The following AMZ2 variants were observed in gnomAD, a reference collection of about 807,000 sequenced individuals.
AMZ2 encodes the protein archaelysin family metallopeptidase 2.
Under a neutral mutation model 36.7 loss-of-function variants are expected in AMZ2, and 26 were observed. The observed-to-expected ratio is 0.71, with a 90% CI of 0.52 to 0.98. The LOEUF (loss-of-function observed/expected upper bound fraction) is 0.98. AMZ2 is among the 50% of genes least tolerant of loss of function. The pLI is 0.00. For missense variants in AMZ2, 394 were observed against 430.5 expected, an observed-to-expected ratio of 0.92 and a Z score of 0.75; for synonymous variants, 144 against 149.1, an observed-to-expected ratio of 0.97 and a Z score of 0.25.
At chr17:68,227,615 T>G (rs1350732175) in intron 1 of AMZ2, among the ~76,000 whole-genome samples, 1 of 152,178 alleles carries the variant, frequency 6.6e-6, no homozygotes, top group East Asian at 1.9e-4. Flanking sequence ...CGCTCCAGTC[T>G]TCAAGGTCAG....
At chr17:68,215,055 A>G (rs2144506187) in intron 1 of AMZ2, among the ~76,000 whole-genome samples, 1 of 152,338 alleles carries the variant, frequency 6.6e-6, no homozygotes, top group Non-Finnish European at 1.5e-5. Flanking sequence ...AAGTGCTGGG[A>G]TTATAGGCGT....
chr17:68,236,508 G>C (rs547212260), intron 1 of AMZ2, among the ~76,000 whole-genome samples: 41 of 141,278 alleles, frequency 2.9e-4, no homozygotes, highest in Middle Eastern at 7.8e-3. Context: ...ATATCAAGAA[G>C]AAAGTAAAAC....
At chr17:68,209,630 A>ATTTT (rs1339157573) in intron 1 of AMZ2, among the ~76,000 whole-genome samples, 8 of 98,456 alleles carry the variant, frequency 8.1e-5, no homozygotes, top group African/African-American at 1.4e-4. Flanking sequence ...ATATATATAT[A>ATTTT]TATTTTTTTT....
intron 1 of AMZ2, among the ~76,000 whole-genome samples, chr17:68,231,178 C>T (rs1555731150): frequency 6.6e-6 from 1 of 152,044 alleles, no homozygotes; most frequent in African/African-American, 2.4e-5. Flanking sequence ...ATCCTCCTAC[C>T]TCAGCCTCCC....
chr17:68,252,821 G>A (rs1368955621), intron 4 of AMZ2, among the ~76,000 whole-genome samples: 2 of 152,070 alleles, frequency 1.3e-5, no homozygotes, highest in Non-Finnish European at 2.9e-5. Context: ...ACCACACCCA[G>A]CTAAAAAAAT....
At chr17:68,240,469 T>A (rs1397140844) in intron 1 of AMZ2, among the ~76,000 whole-genome samples, 1 of 151,972 alleles carries the variant, frequency 6.6e-6, no homozygotes, top group Non-Finnish European at 1.5e-5. Context: ...TACAAAAAGA[T>A]GGAAAAATGT....
At chr17:68,254,592 G>T in intron 5 of AMZ2, 25 bp downstream of exon 5, 1 of 1,579,852 alleles carries the variant, frequency 6.3e-7, no homozygotes, top group South Asian at 1.1e-5. Flanking sequence ...AAATCTGACA[G>T]GACAGTTCTT....
intron 1 of AMZ2, 83 bp from the exon 2 acceptor site, chr17:68,250,105 T>A: frequency 2.8e-6 from 4 of 1,421,742 alleles, no homozygotes; most frequent in Non-Finnish European, 3.8e-6. Context: ...TAGGGAGAAA[T>A]CAGAGCTGAA....
At chr17:68,229,981 T>C (rs1250933220) in intron 1 of AMZ2, among the ~76,000 whole-genome samples, 3 of 152,226 alleles carry the variant, frequency 2.0e-5, no homozygotes, top group African/African-American at 7.2e-5. Context: ...GGACTACAAA[T>C]GTGGAATCCA....
chr17:68,220,264 A>G (rs552785492), intron 1 of AMZ2, among the ~76,000 whole-genome samples: 19 of 152,200 alleles, frequency 1.2e-4, no homozygotes, highest in Non-Finnish European at 1.3e-4. Flanking sequence ...TGAAGAAAAA[A>G]CTTAATAAAC....
chr17:68,250,652 C>A, intron 2 of AMZ2, 142 bp from the exon 3 acceptor site: 1 of 1,177,160 alleles, frequency 8.5e-7, no homozygotes, highest in Non-Finnish European at 1.2e-6. Context: ...CTTTTTGTTT[C>A]ATAGCAACAC....
intron 1 of AMZ2, among the ~76,000 whole-genome samples, chr17:68,237,405 A>G (rs2073813262): frequency 6.6e-6 from 1 of 152,032 alleles, no homozygotes; most frequent in Admixed American, 6.6e-5. Context: ...GCAAGTTGGC[A>G]TTTTTACATT....
intron 1 of AMZ2, among the ~76,000 whole-genome samples, chr17:68,220,389 C>T (rs149665338): frequency 1.6e-3 from 238 of 152,198 alleles, no homozygotes; most frequent in African/African-American, 5.4e-3. Context: ...AACTATTTGT[C>T]TTCCAGTCTG....
In AMZ2 at chr17:68,254,410, G is replaced by A. The variant is rs1437039826; in HGVS notation, c.593G>A (p.Gly198Glu). The change falls in exon 5 of 7, where the codon GGG (glycine) becomes GAG (glutamate). Residue 198 changes from glycine to glutamate, a missense_variant. Transcript: ENST00000359904. ...FGQASLTDGVGIFSFARYGSD... is the reference protein window; with the variant it reads ...FGQASLTDGVEIFSFARYGSD... ...GTTTGTCCTTTTTTTGTAGGTGTGG[G>A]GATATTCAGCTTTGCCAGGTATGGC... 17 of 1,611,366 alleles carry A rather than the reference G, an allele frequency of 1.1e-5. No individual in the cohort carries two copies. Among genetic ancestry groups the A allele is most frequent in the Non-Finnish European group, 1.4e-5 (17 of 1,179,542 alleles).
chr17:68,221,434 G>C (rs781869974), intron 1 of AMZ2, among the ~76,000 whole-genome samples: 2 of 152,024 alleles, frequency 1.3e-5, no homozygotes, highest in Non-Finnish European at 2.9e-5. Flanking sequence ...CATTGCGTCA[G>C]TAAGAAAGCC....
chr17:68,250,239 A>G lies in AMZ2; in HGVS notation c.52A>G (p.Lys18Glu), dbSNP rs2074348275. ...GACACTAAAAACAGCTCTCATCTCA[A>G]AGAACCCAGTGCTTGTATCACAGTA... ...EQTLKTALISKNPVLVSQYEK... is the reference protein window; with the variant it reads ...EQTLKTALISENPVLVSQYEK... The change falls in exon 2 of 7, where the codon AAG (lysine) becomes GAG (glutamate). Residue 18 changes from lysine (K) to glutamate (E), a missense_variant. Physicochemically the swap from Lys to Glu is moderately conservative, Grantham distance 56 (BLOSUM62 1). Coordinates refer to ENST00000359904, the MANE Select transcript of AMZ2 (RefSeq NM_016627.5). The G allele has an allele frequency of 5.0e-6, 8 of 1,614,092 alleles. No individual in the cohort carries two copies. The highest frequency in any genetic ancestry group is 6.8e-6 in the Non-Finnish European group (8 of 1,180,056).
chr17:68,236,202 AT>A (rs138601479), intron 1 of AMZ2, among the ~76,000 whole-genome samples: 18,508 of 152,232 alleles, frequency 0.12, 1,184 homozygotes, highest in East Asian at 0.18. Context: ...TCTTAAAAAA[AT>A]GTTTTAAAAC....
chr17:68,255,468 C>T (rs541223903), intron 5 of AMZ2, among the ~76,000 whole-genome samples: 138 of 152,296 alleles, frequency 9.1e-4, no homozygotes, highest in Middle Eastern at 3.4e-3. Context: ...CTGGTATTAT[C>T]GGTCCAACAT....
rs2073082183 is a variant in AMZ2 at position 68,212,075 on chromosome 17, C to T, written c.-67+5837C>T. Among the ~76,000 whole-genome samples, 4 of 151,866 alleles carry T rather than the reference C, an allele frequency of 2.6e-5. No homozygotes were observed. The South Asian group carries it at 6.2e-4, about 24-fold the overall frequency. On this transcript the variant is annotated intron_variant, in intron 1 of 7. Transcript: ENST00000674770. Reference sequence around the variant, plus strand: ...TGCTGATTTTCTTTTGATTTTAAAACTTAACATGTTTTTGGCCAGGTGTGG... The same window carrying T: ...TGCTGATTTTCTTTTGATTTTAAAATTTAACATGTTTTTGGCCAGGTGTGG...
Sources: gnomAD v4.1 joint callset for allele counts (sites outside exome capture counted in the v4.1 genomes callset) on GRCh38, gnomAD v4.1.1 for gene constraint, MANE v1.5 for transcripts, NCBI Gene and HGNC (gene_info 2026-07-23, HGNC 2026-07-21) for gene names.